FER1L6: variants seen among roughly 807,000 people sequenced by gnomAD.
FER1L6 encodes fer-1 like family member 6.
Under a neutral mutation model 219.2 loss-of-function variants are expected in FER1L6, and 177 were observed. The ratio of observed to expected loss-of-function variants is 0.81; its 90% CI spans 0.71 to 0.91. The LOEUF (loss-of-function observed/expected upper bound fraction) is 0.91, where lower values mean the gene tolerates loss of function less well. Ranked by LOEUF, FER1L6 falls within the 40% of genes least tolerant of loss-of-function variation. FER1L6 has a pLI of 0.00. For missense variants in FER1L6, 2,153 were observed against 2,259.9 expected, an observed-to-expected ratio of 0.95 and a Z score of 0.96; for synonymous variants, 768 against 824.3, an observed-to-expected ratio of 0.93 and a Z score of 1.17.
chr8:123,913,090 A>G (rs1381923271), intron 1 of FER1L6, among the ~76,000 whole-genome samples: 2 of 152,184 alleles, frequency 1.3e-5, no homozygotes, highest in Non-Finnish European at 2.9e-5. Flanking sequence ...TTTAAGAGAT[A>G]ATTTGTGTTT....
intron 11 of FER1L6, chr8:123,985,823 G>C (rs892545554): frequency 7.8e-6 from 3 of 387,018 alleles, no homozygotes; most frequent in African/African-American, 6.2e-5. Flanking sequence ...AAGGAGTTTT[G>C]TTTTAAGGTA....
chr8:123,865,332 G>T (rs1416335189), intron 1 of FER1L6, among the ~76,000 whole-genome samples: 1 of 149,880 alleles, frequency 6.7e-6, no homozygotes, highest in East Asian at 1.9e-4. Context: ...GAGGCAGTCT[G>T]CCCGTTCTCA....
At chr8:124,036,865 C>T (rs1819239086) in intron 19 of FER1L6, among the ~76,000 whole-genome samples, 1 of 152,176 alleles carries the variant, frequency 6.6e-6, no homozygotes, top group African/African-American at 2.4e-5. Context: ...CTGCCTTCCA[C>T]ACCTACTGGA....
intron 2 of FER1L6, among the ~76,000 whole-genome samples, chr8:123,958,956 A>G (rs1360681897): frequency 6.6e-6 from 1 of 151,956 alleles, no homozygotes; most frequent in East Asian, 2.0e-4. Context: ...AAAGTGGGTG[A>G]GAGGGCCACG....
At chr8:123,865,067 G>T (rs1197395004) in intron 1 of FER1L6, among the ~76,000 whole-genome samples, 1 of 150,908 alleles carries the variant, frequency 6.6e-6, no homozygotes, top group Non-Finnish European at 1.5e-5. Flanking sequence ...CTGTGTTTTA[G>T]AGTTTCCAGT....
At chr8:124,040,217 G>C (rs1013181872) in intron 20 of FER1L6, among the ~76,000 whole-genome samples, 2 of 152,224 alleles carry the variant, frequency 1.3e-5, no homozygotes, top group African/African-American at 4.8e-5. Flanking sequence ...TAGGGCAAAG[G>C]ATGCAAGTCC....
intron 15 of FER1L6, among the ~76,000 whole-genome samples, chr8:124,017,396 G>GA (rs1203989099): frequency 4.0e-5 from 6 of 151,176 alleles, no homozygotes; most frequent in South Asian, 2.1e-4. Flanking sequence ...AAAGAAAGTG[G>GA]AAAAAAAAAT....
At chr8:123,988,988 G>A (rs1816726948) in intron 12 of FER1L6, among the ~76,000 whole-genome samples, 1 of 152,098 alleles carries the variant, frequency 6.6e-6, no homozygotes, top group African/African-American at 2.4e-5. Flanking sequence ...TTATTGTATT[G>A]AGGTATGTTC....
chr8:123,865,113 T>G (rs1396793654), intron 1 of FER1L6, among the ~76,000 whole-genome samples: 3 of 149,990 alleles, frequency 2.0e-5, no homozygotes, highest in Non-Finnish European at 4.4e-5. Flanking sequence ...TTTGTGGTTT[T>G]ATCTACTTTT....
chr8:124,093,280 T>C (rs1018500031), intron 34 of FER1L6, among the ~76,000 whole-genome samples: 8 of 151,940 alleles, frequency 5.3e-5, no homozygotes, highest in African/African-American at 1.9e-4. Context: ...CAGTTCGACA[T>C]GAGATTTAGG....
chr8:124,071,365 ACACCCAACTGGCAAGTTTAG>A, intron 30 of FER1L6, 121 bp from the exon 31 acceptor site: 1 of 1,004,058 alleles, frequency 1.0e-6, no homozygotes, highest in Non-Finnish European at 1.5e-6. Context: ...TTGCCCAAGG[ACACCCAACTGGCAAGTTTAG>A]CACCAAACCA....
intron 40 of FER1L6, 114 bp from the exon 41 acceptor site, chr8:124,119,493 G>T: frequency 2.8e-6 from 2 of 706,448 alleles, no homozygotes; most frequent in Non-Finnish European, 5.0e-6. Flanking sequence ...CCATTTTCAG[G>T]GCTCTCCCTA....
chr8:123,914,477 T>C (rs2129783396), intron 1 of FER1L6, among the ~76,000 whole-genome samples: 1 of 152,288 alleles, frequency 6.6e-6, no homozygotes, highest in Middle Eastern at 3.4e-3. Flanking sequence ...CTTAGTAACA[T>C]GATTCTTGTA....
chr8:123,905,317 T>A (rs1299815037), intron 1 of FER1L6, among the ~76,000 whole-genome samples: 1 of 152,186 alleles, frequency 6.6e-6, no homozygotes, highest in Non-Finnish European at 1.5e-5. Flanking sequence ...CAGTTTTAAG[T>A]GAGAACGTGT....
chr8:123,905,362 A>G (rs1202784563), intron 1 of FER1L6, among the ~76,000 whole-genome samples: 1 of 152,196 alleles, frequency 6.6e-6, no homozygotes, highest in African/African-American at 2.4e-5. Context: ...TAGTTTGCTA[A>G]GGATTATGGC....
intron 35 of FER1L6, among the ~76,000 whole-genome samples, chr8:124,096,891 G>T (rs1473827033): frequency 1.3e-5 from 2 of 152,046 alleles, no homozygotes; most frequent in Non-Finnish European, 2.9e-5. Flanking sequence ...TTAAGCATGG[G>T]CAAAATGTTT....
rs527399884 is a variant in FER1L6, at chr8:124,119,215, C to T, written c.5390+271C>T. 6.6e-5 allele frequency among the ~76,000 whole-genome samples: 10 copies of T among 152,144 alleles called. No homozygotes were observed. In the South Asian group the frequency reaches 1.0e-3, roughly 16 times the overall value. ...ATAGTTGTCAGAGCGTAGAAGACTC[C>T]GTAGTTTCAAAAGGGGGTGAGTCAA... On this transcript the variant is annotated intron_variant, in intron 40 of 40. Transcript: ENST00000522917.
intron 34 of FER1L6, among the ~76,000 whole-genome samples, chr8:124,093,179 A>G (rs1298206408): frequency 2.0e-5 from 3 of 151,954 alleles, no homozygotes; most frequent in African/African-American, 4.8e-5. Flanking sequence ...CGAGAACAGC[A>G]CTAGGGGGAT....
intron 39 of FER1L6, among the ~76,000 whole-genome samples, chr8:124,108,941 T>C (rs1029080152): frequency 6.6e-6 from 1 of 152,122 alleles, no homozygotes; most frequent in African/African-American, 2.4e-5. Context: ...TCTAGCAACA[T>C]ACTCTTAACT....
Sources: gnomAD v4.1 joint callset for allele counts (sites outside exome capture counted in the v4.1 genomes callset) on GRCh38, gnomAD v4.1.1 for gene constraint, MANE v1.5 for transcripts, NCBI Gene and HGNC (gene_info 2026-07-23, HGNC 2026-07-21) for gene names.